Variants in SCAPER observed in about 807,000 individuals in gnomAD.
The protein encoded by SCAPER is S-phase cyclin A associated protein in the ER.
In SCAPER, 98 loss-of-function variants were observed where a neutral mutation model predicts 182.2. The ratio of observed to expected loss-of-function variants is 0.54; its 90% CI spans 0.46 to 0.64. SCAPER has a LOEUF of 0.64. Ranked by LOEUF, SCAPER falls within the 30% of genes least tolerant of loss-of-function variation. SCAPER has a pLI of 0.00. For synonymous variants in SCAPER, 605 were observed against 564.6 expected, an observed-to-expected ratio of 1.07 and a Z score of -1.01; for missense variants, 1,432 against 1,690.0, an observed-to-expected ratio of 0.85 and a Z score of 2.68.
At chr15:76,415,996 AGT>A (rs1180858152) in intron 26 of SCAPER, among the ~76,000 whole-genome samples, 1 of 152,202 alleles carries the variant, frequency 6.6e-6, no homozygotes, top group Non-Finnish European at 1.5e-5. Context: ...ATAATGACTA[AGT>A]GTGAAAAAGC....
intron 8 of SCAPER, among the ~76,000 whole-genome samples, chr15:76,791,498 G>A (rs543964591): frequency 6.6e-6 from 1 of 152,182 alleles, no homozygotes; most frequent in East Asian, 1.9e-4. Context: ...GCAGAAACCA[G>A]CATTCCCAGC....
At chr15:76,718,622 G>A (rs2060020645) in intron 17 of SCAPER, among the ~76,000 whole-genome samples, 1 of 149,326 alleles carries the variant, frequency 6.7e-6, no homozygotes, top group Admixed American at 6.7e-5. Flanking sequence ...GCCTGGACAA[G>A]AGAACAAGAT....
At chr15:76,495,353 G>A (rs1395896468) in intron 24 of SCAPER, among the ~76,000 whole-genome samples, 1 of 152,028 alleles carries the variant, frequency 6.6e-6, no homozygotes, top group Non-Finnish European at 1.5e-5. Context: ...CGAGGCAGGT[G>A]GATCACCTGA....
At chr15:76,567,704 C>CT (rs918076215) in intron 23 of SCAPER, among the ~76,000 whole-genome samples, 1 of 152,054 alleles carries the variant, frequency 6.6e-6, no homozygotes, top group African/African-American at 2.4e-5. Flanking sequence ...GACCATTATC[C>CT]TACTGGTTTA....
intron 23 of SCAPER, among the ~76,000 whole-genome samples, chr15:76,542,380 G>A (rs1215473647): frequency 6.6e-6 from 1 of 151,776 alleles, no homozygotes; most frequent in African/African-American, 2.4e-5. Flanking sequence ...AAAATTAGCT[G>A]GATGTGGTGG....
chr15:76,688,843 C>CTTTTT (rs71143353), intron 20 of SCAPER, among the ~76,000 whole-genome samples: 133 of 92,390 alleles, frequency 1.4e-3, no homozygotes, highest in Non-Finnish European at 2.0e-3. Context: ...AAATGCCTCT[C>CTTTTT]TTTTTTTTTT....
At chr15:76,551,819 T>A (rs1265868112) in intron 23 of SCAPER, among the ~76,000 whole-genome samples, 1 of 152,128 alleles carries the variant, frequency 6.6e-6, no homozygotes, top group African/African-American at 2.4e-5. Flanking sequence ...CCCATAAATA[T>A]GTGCAATTAT....
chr15:76,618,117 G>A (rs770645252), intron 22 of SCAPER, among the ~76,000 whole-genome samples: 21 of 152,118 alleles, frequency 1.4e-4, no homozygotes, highest in East Asian at 3.9e-4. Flanking sequence ...AAAATTAGCC[G>A]GGTGTGGTAG....
chr15:76,529,317 A>G (rs1363464587), intron 23 of SCAPER, among the ~76,000 whole-genome samples: 1 of 152,202 alleles, frequency 6.6e-6, no homozygotes, highest in Admixed American at 6.5e-5. Flanking sequence ...AAGTGATGGG[A>G]ATACAGGTGT....
intron 8 of SCAPER, among the ~76,000 whole-genome samples, chr15:76,780,591 G>A (rs772279743): frequency 9.2e-5 from 14 of 152,262 alleles, no homozygotes; most frequent in Non-Finnish European, 1.3e-4. Context: ...GGTCCCTAAC[G>A]CCCAAGTAGC....
At chr15:76,832,670 A>T (rs951476192) in intron 5 of SCAPER, among the ~76,000 whole-genome samples, 1 of 152,102 alleles carries the variant, frequency 6.6e-6, no homozygotes, top group Non-Finnish European at 1.5e-5. Flanking sequence ...ATCCTTTATG[A>T]ACGGCTTAGC....
chr15:76,536,672 C>T (rs536066700), intron 23 of SCAPER, among the ~76,000 whole-genome samples: 23 of 152,190 alleles, frequency 1.5e-4, no homozygotes, highest in Non-Finnish European at 2.4e-4. Flanking sequence ...GGGATGCCCT[C>T]TCTCACCACT....
chr15:76,790,543 G>GA (rs1166749186), intron 8 of SCAPER, among the ~76,000 whole-genome samples: 1 of 152,022 alleles, frequency 6.6e-6, no homozygotes, highest in Non-Finnish European at 1.5e-5. Context: ...GTTTTTCAAG[G>GA]AATGTCAATC....
intron 29 of SCAPER, among the ~76,000 whole-genome samples, chr15:76,359,394 C>T (rs2041239757): frequency 6.6e-6 from 1 of 152,208 alleles, no homozygotes. Flanking sequence ...GGGCTGCCAG[C>T]CAGGATCTTG....
intron 23 of SCAPER, among the ~76,000 whole-genome samples, chr15:76,560,012 A>G (rs1313634945): frequency 6.6e-6 from 1 of 152,192 alleles, no homozygotes; most frequent in Non-Finnish European, 1.5e-5. Context: ...TGTTAGAAAC[A>G]TCAAATTCCC....
chr15:76,686,347 A>G (rs1365588780), intron 20 of SCAPER, among the ~76,000 whole-genome samples: 1 of 152,098 alleles, frequency 6.6e-6, no homozygotes, highest in East Asian at 1.9e-4. Context: ...ATAAAAATCA[A>G]GCCTATAATG....
chr15:76,797,277 A>T (rs553546899), intron 7 of SCAPER: 1 of 152,330 alleles, frequency 6.6e-6, no homozygotes, highest in East Asian at 1.9e-4. Flanking sequence ...AGAGTCCAAA[A>T]CAACTTAGTC....
At chr15:76,591,934 C>T (rs1354718948) in intron 22 of SCAPER, among the ~76,000 whole-genome samples, 1 of 152,206 alleles carries the variant, frequency 6.6e-6, no homozygotes, top group East Asian at 1.9e-4. Context: ...GTGGCGCATG[C>T]CTGTAGTCCC....
chr15:76,605,859 A>C (rs1370440203), intron 22 of SCAPER, among the ~76,000 whole-genome samples: 3 of 152,238 alleles, frequency 2.0e-5, no homozygotes, highest in African/African-American at 4.8e-5. Flanking sequence ...TCTGTGGGAT[A>C]GGTGGTGATA....
Sources: gnomAD v4.1 joint callset for allele counts (sites outside exome capture counted in the v4.1 genomes callset) on GRCh38, gnomAD v4.1.1 for gene constraint, MANE v1.5 for transcripts, NCBI Gene and HGNC (gene_info 2026-07-23, HGNC 2026-07-21) for gene names.